The following MXI1 variants were observed in gnomAD, a reference collection of about 807,000 sequenced individuals.
MXI1 encodes max-interacting protein 1.
MXI1 carries 18 observed loss-of-function variants against 36.9 expected under a neutral mutation model. The observed-to-expected ratio is 0.49, with a 90% CI of 0.34 to 0.72. The LOEUF is 0.72. Ranked by LOEUF, MXI1 falls within the 30% of genes least tolerant of loss-of-function variation. The pLI, the probability that MXI1 is intolerant of heterozygous loss-of-function variation, is 0.01. For missense variants in MXI1, 304 were observed against 379.1 expected (o/e 0.80, Z 1.64); for synonymous variants, 160 against 146.7 (o/e 1.09, Z -0.65).
In MXI1 at chr10:110,275,976, T is replaced by C. The variant is rs188323159; in HGVS notation, c.438-3204T>C. Among the ~76,000 whole-genome samples, 1,295 of 151,850 alleles carry C rather than the reference T, an allele frequency of 8.5e-3. 11 individuals are homozygous for C. The highest frequency in any genetic ancestry group is 0.03 in the African/African-American group (1,233 of 41,304). Reference sequence around the variant, plus strand: ...TGTTCAGTAGTGGCTAAAAAAAATATCTTTTAGAGCATTCTGCCTTCCCTG... The same window carrying C: ...TGTTCAGTAGTGGCTAAAAAAAATACCTTTTAGAGCATTCTGCCTTCCCTG... On this transcript the variant is annotated intron_variant, in intron 3 of 5. Transcript: ENST00000332674.
In MXI1 at chr10:110,279,288, C is replaced by T. The variant is rs766783425; in HGVS notation, c.546C>T (p.His182=). Residue 182 remains histidine (H), a synonymous_variant, in exon 4 of 6, where the codon CAC becomes CAT. Coordinates refer to ENST00000332674, the MANE Select transcript of MXI1 (RefSeq NM_130439.3). ...GTTTGCTCAACAAAGCCAAAGCACA[C>T]ATCAAGGTGAGAATTTTTACTTTCA... is the stretch of plus-strand genomic sequence containing the variant. ...TLGLLNKAKA[H]IKKLEEAERK... is the part of the protein sequence containing the mutation. 6.2e-6 allele frequency: 10 copies of T among 1,613,514 alleles called. No individual in the cohort carries two copies. In the African/African-American group the frequency reaches 8.0e-5, roughly 13 times the overall value.
rs1272690934 is a variant in MXI1 at position 110,211,184 on chromosome 10, G to A, written c.274+3102G>A. On this transcript the variant is annotated intron_variant, in intron 1 of 5. Transcript: ENST00000332674. ...AGTTCCCCTATAATCACTTGATCTC[G>A]GTTTCTCCGCCTTCTCCTCCTCCCC... Among the ~76,000 whole-genome samples, 5 of 151,074 alleles carry A rather than the reference G, an allele frequency of 3.3e-5. No homozygotes were observed. In the East Asian group the frequency reaches 9.7e-4, roughly 29 times the overall value.
intron 1 of MXI1, among the ~76,000 whole-genome samples, chr10:110,222,661 A>G (rs76608216): frequency 1.4e-4 from 21 of 152,164 alleles, no homozygotes; most frequent in Non-Finnish European, 2.4e-4. Flanking sequence ...AACAGAGACT[A>G]TGGGTAGGAT....
intron 2 of MXI1, among the ~76,000 whole-genome samples, chr10:110,241,944 G>A (rs570564735): frequency 6.6e-6 from 1 of 152,042 alleles, no homozygotes; most frequent in East Asian, 1.9e-4. Flanking sequence ...TAAATAATTT[G>A]TCTCAAAGTT....
At chr10:110,250,137 G>C (rs1343769066) in intron 3 of MXI1, among the ~76,000 whole-genome samples, 1 of 152,118 alleles carries the variant, frequency 6.6e-6, no homozygotes, top group African/African-American at 2.4e-5. Flanking sequence ...GACTGATAGA[G>C]AAATTCAGAT....
rs369506230 is a variant in MXI1 at position 110,232,448 on chromosome 10, C to T, written c.407+4127C>T. On this transcript the variant is annotated intron_variant, in intron 2 of 5. Transcript: ENST00000332674. ...TCCTCAGGAATGTTTCCTCATCTGC[C>T]GTAGTAGATCAGGTCTTCACATACT... is the stretch of plus-strand genomic sequence containing the variant. 5.9e-5 allele frequency among the ~76,000 whole-genome samples: 9 copies of T among 152,264 alleles called. No homozygotes were observed. In the South Asian group the frequency reaches 1.2e-3, roughly 21 times the overall value.
intron 1 of MXI1, among the ~76,000 whole-genome samples, chr10:110,210,864 G>A (rs759303206): frequency 6.6e-6 from 1 of 152,320 alleles, no homozygotes; most frequent in East Asian, 1.9e-4. Flanking sequence ...GGCACTGCGG[G>A]TCGCTCGGCG....
intron 1 of MXI1, among the ~76,000 whole-genome samples, chr10:110,209,114 C>G (rs1389383229): frequency 3.3e-5 from 5 of 151,872 alleles, no homozygotes; most frequent in Non-Finnish European, 7.4e-5. Context: ...CCCCTACCAG[C>G]CAGGTCACCC....
intron 1 of MXI1, chr10:110,226,030 GGGCGCGGCT>G (rs1219472946): frequency 6.4e-5 from 61 of 951,124 alleles, no homozygotes; most frequent in African/African-American, 5.8e-4. Context: ...GCGGCACGGC[GGGCGCGGCT>G]GGCGCGGCTG....
At chr10:110,241,569 T>C (rs1163774814) in intron 2 of MXI1, among the ~76,000 whole-genome samples, 3 of 151,742 alleles carry the variant, frequency 2.0e-5, no homozygotes, top group African/African-American at 7.3e-5. Context: ...CTCTGTAATA[T>C]ACTCCTAAAC....
chr10:110,229,125 G>T (rs980113951), intron 2 of MXI1, among the ~76,000 whole-genome samples: 2 of 152,208 alleles, frequency 1.3e-5, no homozygotes, highest in African/African-American at 4.8e-5. Flanking sequence ...GTAGTATGTG[G>T]CTATCTCTTC....
chr10:110,244,942 A>T, intron 3 of MXI1, 85 bp downstream of exon 3: 1 of 1,324,602 alleles, frequency 7.5e-7, no homozygotes, highest in East Asian at 2.5e-5. Context: ...AATAGTGCAT[A>T]TGTAGTTGTA....
At chr10:110,249,531 A>G (rs533757351) in intron 3 of MXI1, among the ~76,000 whole-genome samples, 8 of 151,556 alleles carry the variant, frequency 5.3e-5, no homozygotes, top group Non-Finnish European at 8.8e-5. Flanking sequence ...ATGAGCCAAG[A>G]TCACACCACT....
chr10:110,220,555 G>T (rs759863930), intron 1 of MXI1, among the ~76,000 whole-genome samples: 3 of 152,190 alleles, frequency 2.0e-5, no homozygotes, highest in Non-Finnish European at 2.9e-5. Context: ...CTGCTGCCTG[G>T]AAAAGGGTGG....
intron 2 of MXI1, among the ~76,000 whole-genome samples, chr10:110,230,330 G>A (rs1855214214): frequency 6.6e-6 from 1 of 152,134 alleles, no homozygotes; most frequent in Non-Finnish European, 1.5e-5. Context: ...TATTATGTGT[G>A]GGACCACAGT....
intron 2 of MXI1, among the ~76,000 whole-genome samples, chr10:110,230,468 T>C (rs1168033538): frequency 1.3e-5 from 2 of 152,210 alleles, no homozygotes; most frequent in Non-Finnish European, 2.9e-5. Context: ...GAAGATACTT[T>C]TTTTATGGGA....
chr10:110,280,706 T>C (rs984233081), intron 5 of MXI1, among the ~76,000 whole-genome samples: 4 of 151,580 alleles, frequency 2.6e-5, no homozygotes, highest in East Asian at 3.9e-4. Context: ...AAAGAAATGA[T>C]GTTGTGCCTT....
chr10:110,238,110 A>G (rs376234687), intron 2 of MXI1, among the ~76,000 whole-genome samples: 20 of 152,190 alleles, frequency 1.3e-4, no homozygotes, highest in African/African-American at 4.3e-4. Context: ...TTTACCAACC[A>G]TGAAACTCAC....
intron 3 of MXI1, among the ~76,000 whole-genome samples, chr10:110,275,653 TTGG>T (rs1346178453): frequency 6.6e-6 from 1 of 152,238 alleles, no homozygotes; most frequent in Non-Finnish European, 1.5e-5. Flanking sequence ...ACTCTCCCTC[TTGG>T]TCAGCTGCTG....
Sources: allele counts gnomAD v4.1 joint callset (sites outside exome capture counted in the v4.1 genomes callset), GRCh38; gene constraint gnomAD v4.1.1; transcripts MANE v1.5; gene names NCBI Gene and HGNC (gene_info 2026-07-23, HGNC 2026-07-21).